The following IL17RB variants were observed in gnomAD, a reference collection of about 807,000 sequenced individuals.
IL17RB encodes the protein interleukin 17 receptor B, also known as interleukin-17 receptor B.
Under a neutral mutation model 43.9 loss-of-function variants are expected in IL17RB, and 36 were observed. That is an observed-to-expected ratio of 0.82 (90% CI 0.63 to 1.08). The LOEUF is 1.08. Ranked by LOEUF, IL17RB falls within the 50% of genes least tolerant of loss-of-function variation. The probability of loss-of-function intolerance (pLI) is 0.00; values close to 1 mark genes in which losing one functional copy is unlikely to be tolerated. For synonymous variants in IL17RB, 225 were observed against 225.4 expected (o/e 1.00, Z 0.02); for missense variants, 613 against 613.6 (o/e 1.00, Z 0.01).
At chr3:53,849,310 C>T (rs1453504986) in intron 2 of IL17RB, among the ~76,000 whole-genome samples, 2 of 152,192 alleles carry the variant, frequency 1.3e-5, no homozygotes, top group African/African-American at 2.4e-5. Context: ...GTTGAGAGTA[C>T]TTCTGTTAGA....
At chr3:53,853,347 A>T (rs1464119172) in intron 5 of IL17RB, among the ~76,000 whole-genome samples, 1 of 152,254 alleles carries the variant, frequency 6.6e-6, no homozygotes, top group Non-Finnish European at 1.5e-5. Flanking sequence ...ATACACACAT[A>T]AAAGTGAAGC....
intron 8 of IL17RB, 96 bp downstream of exon 8, chr3:53,857,786 A>G: frequency 9.0e-7 from 1 of 1,116,586 alleles, no homozygotes; most frequent in Non-Finnish European, 1.4e-6. Flanking sequence ...TGTCAAATGC[A>G]CTTCTGCCAG....
chr3:53,855,579 C>G (rs1449093195), intron 6 of IL17RB, among the ~76,000 whole-genome samples: 1 of 152,130 alleles, frequency 6.6e-6, no homozygotes, highest in African/African-American at 2.4e-5. Context: ...TATAGTGGAG[C>G]AACAGTCACA....
intron 1 of IL17RB, 74 bp from the exon 2 acceptor site, chr3:53,848,590 T>C (rs1002658624): frequency 1.8e-5 from 25 of 1,425,368 alleles, no homozygotes; most frequent in Non-Finnish European, 2.4e-5. Flanking sequence ...AAAATGGTGT[T>C]CTGCCTAATT....
chr3:53,863,809 A>C (rs896238348), intron 10 of IL17RB, among the ~76,000 whole-genome samples: 1 of 142,088 alleles, frequency 7.0e-6, no homozygotes. Flanking sequence ...TTACAATCAC[A>C]CACCTCAAAG....
At chr3:53,851,020 C>G (rs1386684812) in intron 3 of IL17RB, among the ~76,000 whole-genome samples, 4 of 152,226 alleles carry the variant, frequency 2.6e-5, no homozygotes, top group African/African-American at 9.6e-5. Context: ...ATGATTTTCC[C>G]CACCCCACTT....
chr3:53,855,566 T>A (rs1392856592), intron 6 of IL17RB, among the ~76,000 whole-genome samples: 1 of 152,072 alleles, frequency 6.6e-6, no homozygotes, highest in Non-Finnish European at 1.5e-5. Flanking sequence ...CTCAGTACAT[T>A]TATATAGTGG....
intron 10 of IL17RB, 123 bp downstream of exon 10, chr3:53,860,351 G>T: frequency 1.4e-6 from 1 of 691,008 alleles, no homozygotes; most frequent in Non-Finnish European, 2.5e-6. Context: ...TAGCATTTAT[G>T]TAATACCTTC....
chr3:53,858,685 G>T (rs777236201), intron 8 of IL17RB, 34 bp from the exon 9 acceptor site: 3 of 1,610,540 alleles, frequency 1.9e-6, no homozygotes, highest in Non-Finnish European at 8.5e-7. Context: ...CTGATGCATG[G>T]TGTGAACTTT....
chr3:53,849,746 A>G lies in IL17RB; in HGVS notation c.177A>G (p.Thr59=). The change falls in exon 3 of 11, where the codon ACA becomes ACG. Residue 59 remains threonine, a synonymous_variant. Coordinates refer to ENST00000288167, the MANE Select transcript of IL17RB (RefSeq NM_018725.4). The part of the protein sequence containing the change: ...RVEPVTTSVA[T]GDYSILMNVS... ...AACCTGTTACAACTAGTGTTGCAACAGGGGACTATTCAATTTTGATGAATG... is the reference window on the plus strand; with the variant it reads ...AACCTGTTACAACTAGTGTTGCAACGGGGGACTATTCAATTTTGATGAATG... 1 of 1,612,902 alleles carries G rather than the reference A, an allele frequency of 6.2e-7. No individual in the cohort carries two copies. Among genetic ancestry groups the G allele is most frequent in the Non-Finnish European group, 8.5e-7 (1 of 1,179,354 alleles).
chr3:53,849,188 G>A (rs1699043088), intron 2 of IL17RB, among the ~76,000 whole-genome samples: 1 of 152,230 alleles, frequency 6.6e-6, no homozygotes, highest in Admixed American at 6.5e-5. Flanking sequence ...GCCAAAGCCT[G>A]AGGAAGGCAG....
At chr3:53,854,244 C>T (rs1419262587) in intron 5 of IL17RB, among the ~76,000 whole-genome samples, 1 of 152,198 alleles carries the variant, frequency 6.6e-6, no homozygotes, top group Non-Finnish European at 1.5e-5. Flanking sequence ...AAAGATAGTA[C>T]AGTTTCCATA....
At chr3:53,850,976 G>A (rs1699124175) in intron 3 of IL17RB, among the ~76,000 whole-genome samples, 1 of 152,188 alleles carries the variant, frequency 6.6e-6, no homozygotes, top group African/African-American at 2.4e-5. Flanking sequence ...TTCTGTGTAT[G>A]TACTTCATGG....
chr3:53,851,064 C>T (rs1389414531), intron 3 of IL17RB, among the ~76,000 whole-genome samples: 2 of 152,202 alleles, frequency 1.3e-5, no homozygotes, highest in East Asian at 1.9e-4. Flanking sequence ...AGATAGATTA[C>T]TTTTCCACTT....
At chr3:53,864,434 C>T (rs969145391) in intron 10 of IL17RB, among the ~76,000 whole-genome samples, 1 of 152,034 alleles carries the variant, frequency 6.6e-6, no homozygotes, top group Non-Finnish European at 1.5e-5. Flanking sequence ...ACTCGGGAGG[C>T]TGAGGCAGGA....
chr3:53,865,473 T>C lies in IL17RB; in HGVS notation c.*165T>C. ...CAAATATTGCTAACTAATGTAGCAT[T>C]AACTAACGATTGGAAACTACATTTA... On this transcript the variant is annotated 3_prime_UTR_variant, in exon 11 of 11. Transcript: ENST00000288167. 1.8e-6 allele frequency: 1 copy of C among 555,536 alleles called. No homozygotes were observed. Among genetic ancestry groups the C allele is most frequent in the Non-Finnish European group, 3.1e-6 (1 of 320,878 alleles). The allele number at this position is 555,536 out of a possible 1,614,324, so 34.4% of individuals were successfully genotyped here.
rs1699741505 is a variant in IL17RB at position 53,865,185 on chromosome 3, C to T, written c.1386C>T (p.Val462=). 1 of 1,614,006 alleles carries T rather than the reference C, an allele frequency of 6.2e-7. No homozygotes were observed. Among genetic ancestry groups the T allele is most frequent in the Non-Finnish European group, 8.5e-7 (1 of 1,180,002 alleles). ...DTKDDYNALS[V]CPKYHLMKDA... is the part of the protein sequence containing the mutation. The stretch of plus-strand genomic sequence containing the variant: ...AAGACGATTACAATGCTCTCAGTGT[C>T]TGCCCCAAGTACCACCTCATGAAGG... The change falls in exon 11 of 11, where the codon GTC becomes GTT. Residue 462 remains valine (V), a synonymous_variant. Coordinates refer to ENST00000288167, the MANE Select transcript of IL17RB (RefSeq NM_018725.4).
chr3:53,853,021 ATTCT>A, intron 5 of IL17RB, 24 bp downstream of exon 5: 1 of 1,613,618 alleles, frequency 6.2e-7, no homozygotes, highest in Non-Finnish European at 8.5e-7. Flanking sequence ...TTTGTTTATT[ATTCT>A]TTGTCTTGCT....
Position 53,864,826 on chromosome 3 carries a change from T to C in IL17RB, c.1027T>C (p.Cys343Arg). The C allele has an allele frequency of 6.2e-7, 1 of 1,614,192 alleles. No homozygotes were observed. The highest frequency in any genetic ancestry group is 8.5e-7 in the Non-Finnish European group (1 of 1,180,000). Residue 343 changes from cysteine (C) to arginine (R), a missense_variant, in exon 11 of 11, where the codon TGT (cysteine) becomes CGT (arginine). Physicochemically the swap from Cys to Arg is radical, Grantham distance 180. Transcript: ENST00000288167. ...TCTTGTGGTTTACCCATCTGAAATATGTTTCCATCACACAATTTGTTACTT... is the reference window on the plus strand; with the variant it reads ...TCTTGTGGTTTACCCATCTGAAATACGTTTCCATCACACAATTTGTTACTT... ...KVLVVYPSEI[C>R]FHHTICYFTE...
Sources: gnomAD v4.1 joint callset for allele counts (sites outside exome capture counted in the v4.1 genomes callset) on GRCh38, gnomAD v4.1.1 for gene constraint, MANE v1.5 for transcripts, NCBI Gene and HGNC (gene_info 2026-07-23, HGNC 2026-07-21) for gene names.